The following ANKH variants were observed in gnomAD, a reference collection of about 807,000 sequenced individuals.
ANKH encodes the protein ANKH inorganic pyrophosphate transport regulator.
In ANKH, 15 loss-of-function variants were observed where a neutral mutation model predicts 49.0. That is an observed-to-expected ratio of 0.31 (90% CI 0.20 to 0.47). The LOEUF (loss-of-function observed/expected upper bound fraction) is 0.47. Ranked by LOEUF, ANKH falls within the 20% of genes least tolerant of loss-of-function variation. The pLI, the probability that ANKH is intolerant of heterozygous loss-of-function variation, is 1.00. For missense variants in ANKH, 429 were observed against 652.0 expected (o/e 0.66, Z 3.72); for synonymous variants, 273 against 260.0 (o/e 1.05, Z -0.48).
At chr5:14,728,843 A>G (rs1241980910) in intron 8 of ANKH, among the ~76,000 whole-genome samples, 1 of 152,192 alleles carries the variant, frequency 6.6e-6, no homozygotes. Context: ...CGCCTTACTG[A>G]GACGCAGCTG....
intron 1 of ANKH, among the ~76,000 whole-genome samples, chr5:14,855,527 A>C (rs1314730961): frequency 6.6e-6 from 1 of 152,172 alleles, no homozygotes; most frequent in Admixed American, 6.5e-5. Flanking sequence ...GTGAGTTACA[A>C]CTTTTATCTC....
chr5:14,819,860 C>T (rs1371082279), intron 1 of ANKH, among the ~76,000 whole-genome samples: 1 of 150,416 alleles, frequency 6.6e-6, no homozygotes, highest in South Asian at 2.1e-4. Flanking sequence ...AGTGAAAGCT[C>T]GTCTCAACAA....
Position 14,827,629 on chromosome 5 carries a change from G to T in ANKH, c.96+43723C>A, listed in dbSNP as rs150879971. Among the ~76,000 whole-genome samples the T allele has an allele frequency of 2.0e-5, 3 of 152,270 alleles. No homozygotes were observed. In the East Asian group the frequency reaches 5.8e-4, roughly 29 times the overall value. On this transcript the variant is annotated intron_variant, in intron 1 of 11. Transcript: ENST00000284268. ...ATCTCATCAGGTAGCAGATAACTGG[G>T]TGTCTCATCATCTCCTTTGGCTTCC...
At chr5:14,837,489 A>G (rs1266240797) in intron 1 of ANKH, among the ~76,000 whole-genome samples, 2 of 152,256 alleles carry the variant, frequency 1.3e-5, no homozygotes, top group African/African-American at 4.8e-5. Flanking sequence ...TTCTCAAAAG[A>G]AGACATTTAT....
At chr5:14,754,569 T>G (rs745495030) in intron 4 of ANKH, among the ~76,000 whole-genome samples, 2 of 152,152 alleles carry the variant, frequency 1.3e-5, no homozygotes, top group Non-Finnish European at 2.9e-5. Flanking sequence ...CAAAGAATGG[T>G]GGTTGCTAGT....
chr5:14,708,771 C>T lies in ANKH; in HGVS notation c.*2426G>A, dbSNP rs985360326. 1 of 152,212 alleles carries T rather than the reference C, an allele frequency of 6.6e-6. No homozygotes were observed. Among genetic ancestry groups the T allele is most frequent in the African/African-American group, 2.4e-5 (1 of 41,442 alleles). 9.4% of individuals were successfully genotyped at this position (152,212 alleles called of 1,614,324 possible). On this transcript the variant is annotated 3_prime_UTR_variant, in exon 12 of 12. Transcript: ENST00000284268. Reference sequence around the variant, plus strand: ...AGTGTGGCATTGCTTCCTGTGTTCTCAGAAACTCTAACCAAATATTATGGC... The same window carrying T: ...AGTGTGGCATTGCTTCCTGTGTTCTTAGAAACTCTAACCAAATATTATGGC...
At chr5:14,718,466 T>C (rs1580003765) in intron 8 of ANKH, among the ~76,000 whole-genome samples, 1 of 150,812 alleles carries the variant, frequency 6.6e-6, no homozygotes, top group East Asian at 2.0e-4. Context: ...CCCAGAGAAA[T>C]GGGAGAAGAC....
intron 1 of ANKH, among the ~76,000 whole-genome samples, chr5:14,818,085 A>G (rs865845061): frequency 8.5e-5 from 5 of 58,554 alleles, no homozygotes; most frequent in African/African-American, 3.7e-4. Context: ...AAAAAAAAGG[A>G]AAAAAAAAAA....
chr5:14,711,186 C>G lies in ANKH; in HGVS notation c.*11G>C, dbSNP rs111369645. 1 of 1,605,206 alleles carries G rather than the reference C, an allele frequency of 6.2e-7. No homozygotes were observed. Among genetic ancestry groups the G allele is most frequent in the South Asian group, 1.1e-5 (1 of 90,878 alleles). On this transcript the variant is annotated 3_prime_UTR_variant, in exon 12 of 12. Transcript: ENST00000284268. The stretch of plus-strand genomic sequence containing the variant: ...CTGACTGTCCCTGCAGTGCCCATGG[C>G]GTCCCGTGCCTTATTCATTCTCCTC...
At chr5:14,797,617 T>C in intron 1 of ANKH, 2 of 1,606,676 alleles carry the variant, frequency 1.2e-6, no homozygotes, top group African/African-American at 1.3e-5. Flanking sequence ...GGTTTGGAAG[T>C]ATTGTTTGAA....
intron 1 of ANKH, among the ~76,000 whole-genome samples, chr5:14,828,204 G>A (rs1741398419): frequency 6.6e-6 from 1 of 152,136 alleles, no homozygotes; most frequent in Admixed American, 6.6e-5. Flanking sequence ...TTATAAACAA[G>A]CTTCTGGCTG....
chr5:14,716,744 A>C lies in ANKH; in HGVS notation c.1103T>G (p.Val368Gly), dbSNP rs1737477228. 15 of 1,614,196 alleles carry C rather than the reference A, an allele frequency of 9.3e-6. No homozygotes were observed. Among genetic ancestry groups the C allele is most frequent in the Middle Eastern group, 1.6e-4 (1 of 6,062 alleles). ...GVDFAFAELC[V>G]VPLRIFSFFP... ...GAAGGAGAAGATCCGCAAAGGAACAACACAGAGTTCTGCAAAGGCAAAGTC... is the reference window on the plus strand; with the variant it reads ...GAAGGAGAAGATCCGCAAAGGAACACCACAGAGTTCTGCAAAGGCAAAGTC... Residue 368 changes from valine (V) to glycine (G), a missense_variant, in exon 9 of 12, where the codon GTT becomes GGT. This residue lies in a region of ANKH where 378 missense variants were observed against 615.3 expected (regional missense o/e 0.61). Coordinates refer to ENST00000284268, the MANE Select transcript of ANKH (RefSeq NM_054027.6).
chr5:14,797,810 T>G, intron 1 of ANKH: 1 of 1,611,392 alleles, frequency 6.2e-7, no homozygotes, highest in East Asian at 2.2e-5. Flanking sequence ...TGTGGTCATC[T>G]GAAGCACTAA....
intron 1 of ANKH, among the ~76,000 whole-genome samples, chr5:14,836,183 A>T (rs1174940092): frequency 6.6e-6 from 1 of 152,146 alleles, no homozygotes. Context: ...CAAAAACTGG[A>T]AGCATTCCCT....
intron 8 of ANKH, among the ~76,000 whole-genome samples, chr5:14,728,047 A>G (rs1737875799): frequency 6.6e-6 from 1 of 152,206 alleles, no homozygotes; most frequent in Admixed American, 6.5e-5. Flanking sequence ...CCCAAAACAA[A>G]CCAATCAACC....
intron 1 of ANKH, among the ~76,000 whole-genome samples, chr5:14,814,478 C>T (rs1406103177): frequency 1.3e-5 from 2 of 152,074 alleles, no homozygotes; most frequent in Middle Eastern, 3.2e-3. Flanking sequence ...TGGTGGTGCA[C>T]ATCTGTGGTC....
chr5:14,804,913 C>T (rs1354481591), intron 1 of ANKH, among the ~76,000 whole-genome samples: 7 of 152,180 alleles, frequency 4.6e-5, no homozygotes, highest in East Asian at 1.9e-4. Flanking sequence ...CCTCCAACGA[C>T]GTGATTCTCA....
intron 1 of ANKH, among the ~76,000 whole-genome samples, chr5:14,815,442 T>C (rs1741006538): frequency 6.6e-6 from 1 of 152,238 alleles, no homozygotes; most frequent in Non-Finnish European, 1.5e-5. Flanking sequence ...AAATTGTTCA[T>C]TCATAGTCAT....
chr5:14,718,249 TG>T (rs1215335435), intron 8 of ANKH, among the ~76,000 whole-genome samples: 15 of 151,208 alleles, frequency 9.9e-5, no homozygotes, highest in South Asian at 2.1e-4. Flanking sequence ...TGGGGTGGGG[TG>T]GGGGGTACCT....
Sources: gnomAD v4.1 joint callset for allele counts (sites outside exome capture counted in the v4.1 genomes callset) on GRCh38, gnomAD v4.1.1 for gene constraint, gnomAD v4.1.1 regional missense constraint, MANE v1.5 for transcripts, NCBI Gene and HGNC (gene_info 2026-07-23, HGNC 2026-07-21) for gene names.